The following DIAPH2 variants were observed in gnomAD, a reference collection of about 807,000 sequenced individuals.
DIAPH2 encodes diaphanous related formin 2.
In DIAPH2, 35 loss-of-function variants were observed where a neutral mutation model predicts 92.7. That is an observed-to-expected ratio of 0.38 (90% confidence interval 0.29 to 0.50). The LOEUF (loss-of-function observed/expected upper bound fraction) is 0.50. Ranked by LOEUF, DIAPH2 falls within the 20% of genes least tolerant of loss-of-function variation. The probability of loss-of-function intolerance (pLI) is 0.94; values close to 1 mark genes in which losing one functional copy is unlikely to be tolerated. For missense variants in DIAPH2, 701 were observed against 819.5 expected (o/e 0.86, Z 1.77); for synonymous variants, 301 against 280.4 (o/e 1.07, Z -0.73).
chrX:96,756,277 C>G (rs1178944625), intron 3 of DIAPH2, among the ~76,000 whole-genome samples: 1 of 111,038 alleles, frequency 9.0e-6, no homozygotes, highest in Non-Finnish European at 1.9e-5. Flanking sequence ...AGTCAGAATC[C>G]AAACTCCCTC....
At chrX:97,415,265 C>T (rs1362344107) in intron 25 of DIAPH2, among the ~76,000 whole-genome samples, 1 of 111,859 alleles carries the variant, frequency 8.9e-6, no homozygotes, top group African/African-American at 3.3e-5. Context: ...AGAGTATAAA[C>T]TAGTTCAACC....
chrX:96,800,432 G>A (rs774433365), intron 4 of DIAPH2, among the ~76,000 whole-genome samples: 9 of 111,792 alleles, frequency 8.1e-5, no homozygotes, highest in Admixed American at 7.6e-4. Flanking sequence ...TCATCAGAAC[G>A]ATGGGTTACT....
chrX:97,232,887 A>G (rs1259580555), intron 22 of DIAPH2, among the ~76,000 whole-genome samples: 1 of 112,107 alleles, frequency 8.9e-6, no homozygotes, highest in Non-Finnish European at 1.9e-5. Flanking sequence ...TCCCAGATAA[A>G]CATCTCTTCT....
chrX:96,853,079 T>C (rs189286119), intron 4 of DIAPH2, among the ~76,000 whole-genome samples: 4 of 111,700 alleles, frequency 3.6e-5, no homozygotes, highest in African/African-American at 1.3e-4. Context: ...AATCAAGATT[T>C]GACTCAGGCA....
chrX:96,927,207 A>G (rs2065588201), intron 9 of DIAPH2, among the ~76,000 whole-genome samples: 1 of 109,963 alleles, frequency 9.1e-6, no homozygotes, highest in Non-Finnish European at 1.9e-5. Context: ...ACTTTTAAAT[A>G]GCATATTGGA....
chrX:97,320,183 CTA>C (rs1181080242), intron 23 of DIAPH2, among the ~76,000 whole-genome samples: 16 of 108,181 alleles, frequency 1.5e-4, no homozygotes, highest in Admixed American at 2.0e-4. Flanking sequence ...TCTTGAAAGA[CTA>C]TGTTTTTCTG....
At chrX:97,269,878 G>A (rs750525569) in intron 23 of DIAPH2, among the ~76,000 whole-genome samples, 1 of 108,993 alleles carries the variant, frequency 9.2e-6, no homozygotes, top group African/African-American at 3.4e-5. Context: ...TCAGCCTCCC[G>A]AGTAGCTGGA....
intron 5 of DIAPH2, among the ~76,000 whole-genome samples, chrX:96,897,779 G>C (rs1370844530): frequency 1.0e-5 from 1 of 99,656 alleles, no homozygotes; most frequent in African/African-American, 3.7e-5. Context: ...CAATGTGCAG[G>C]TTAGTTACAT....
At chrX:97,252,493 T>C (rs2068196604) in intron 23 of DIAPH2, among the ~76,000 whole-genome samples, 1 of 111,867 alleles carries the variant, frequency 8.9e-6, no homozygotes, top group Non-Finnish European at 1.9e-5. Context: ...GGGTCTTCAC[T>C]GCACTGCCAT....
chrX:96,707,972 A>G, intron 1 of DIAPH2, among the ~76,000 whole-genome samples: 1 of 111,438 alleles, frequency 9.0e-6, no homozygotes, highest in Non-Finnish European at 1.9e-5. Context: ...AGGGTAGCTC[A>G]TCTTTTTCAA....
chrX:97,200,044 C>T, intron 22 of DIAPH2, among the ~76,000 whole-genome samples: 1 of 109,893 alleles, frequency 9.1e-6, no homozygotes, highest in Non-Finnish European at 1.9e-5. Flanking sequence ...TGGGTGCAAC[C>T]CAAAGAGAGT....
In DIAPH2 at chrX:97,601,694, A is replaced by ATATT. The variant is rs1252049376; in HGVS notation, c.*2379_*2382dup. On this transcript the variant is annotated 3_prime_UTR_variant, in exon 27 of 27. Coordinates refer to ENST00000324765, the MANE Select transcript of DIAPH2 (RefSeq NM_006729.5). ...ACCATTTATGCAGATTTTCTTCAGAATATTTTTAAAAGGTACAGAATCCTT... is the reference window on the plus strand; with the variant it reads ...ACCATTTATGCAGATTTTCTTCAGAATATTTATTTTTAAAAGGTACAGAATCCTT... 7 of 112,420 alleles carry ATATT rather than the reference A, an allele frequency of 6.2e-5. No individual in the cohort carries two copies. Among genetic ancestry groups the ATATT allele is most frequent in the African/African-American group, 2.3e-4 (7 of 30,904 alleles). 9.3% of individuals were successfully genotyped at this position (112,420 alleles called of 1,213,427 possible). A position where few individuals can be genotyped will look rare whatever the true frequency, so the allele number is the denominator to read the frequency against.
At chrX:97,194,320 T>C (rs181777159) in intron 22 of DIAPH2, among the ~76,000 whole-genome samples, 1,859 of 107,152 alleles carry the variant, frequency 0.017, 24 homozygotes, top group African/African-American at 0.038. Flanking sequence ...CTTGCTCTGT[T>C]GCCCAGGCTG....
intron 26 of DIAPH2, among the ~76,000 whole-genome samples, chrX:97,473,130 T>C (rs2070576410): frequency 9.0e-6 from 1 of 111,630 alleles, no homozygotes; most frequent in Admixed American, 9.5e-5. Flanking sequence ...CCCTTTATTA[T>C]GTGCAGCTTT....
rs193201666 is a variant in DIAPH2, at chrX:97,251,719, G to A, written c.2844+3880G>A. 1.1e-4 allele frequency among the ~76,000 whole-genome samples: 12 copies of A among 111,869 alleles called. No homozygotes were observed. The East Asian group carries it at 3.1e-3, about 29-fold the overall frequency. ...ATTACAGGCACGAGCCACAGCGCCC[G>A]GCCTATGTGAAAGTCTTTGGTGAGG... On this transcript the variant is annotated intron_variant, in intron 23 of 26. Transcript: ENST00000324765.
At chrX:96,992,839 C>T (rs1281142045) in intron 17 of DIAPH2, among the ~76,000 whole-genome samples, 2 of 111,736 alleles carry the variant, frequency 1.8e-5, no homozygotes, top group Non-Finnish European at 3.8e-5. Flanking sequence ...AATAAAGAGA[C>T]TATCTTTAAG....
chrX:97,186,056 C>T (rs954443274), intron 22 of DIAPH2, among the ~76,000 whole-genome samples: 1 of 110,304 alleles, frequency 9.1e-6, no homozygotes, highest in African/African-American at 3.3e-5. Context: ...TCCCAAATCC[C>T]GGACCTATAT....
intron 4 of DIAPH2, among the ~76,000 whole-genome samples, chrX:96,867,854 AGT>A (rs1288814457): frequency 8.9e-6 from 1 of 111,876 alleles, no homozygotes; most frequent in Admixed American, 9.5e-5. Context: ...CAAATATGTC[AGT>A]GTTAACTTTA....
chrX:96,752,337 T>C (rs1349695964), intron 3 of DIAPH2, among the ~76,000 whole-genome samples: 1 of 112,294 alleles, frequency 8.9e-6, no homozygotes, highest in Non-Finnish European at 1.9e-5. Context: ...AGCAAGTTAA[T>C]ATATTTAAAG....
Sources: gnomAD v4.1 joint callset for allele counts (sites outside exome capture counted in the v4.1 genomes callset) on GRCh38, gnomAD v4.1.1 for gene constraint, MANE v1.5 for transcripts, NCBI Gene and HGNC (gene_info 2026-07-23, HGNC 2026-07-21) for gene names.